Variants in HID1 observed in about 807,000 individuals in gnomAD.
HID1 encodes HID1 domain containing.
In HID1, 42 loss-of-function variants were observed where a neutral mutation model predicts 89.7. That is an observed-to-expected ratio of 0.47 (90% CI 0.37 to 0.61). The LOEUF (loss-of-function observed/expected upper bound fraction) is 0.61. Ranked by LOEUF, HID1 falls within the 20% of genes least tolerant of loss-of-function variation. The pLI, the probability that HID1 is intolerant of heterozygous loss-of-function variation, is 0.00. For missense variants in HID1, 854 were observed against 1,039.3 expected, an observed-to-expected ratio of 0.82 and a Z score of 2.45; for synonymous variants, 442 against 433.8, an observed-to-expected ratio of 1.02 and a Z score of -0.24.
At chr17:74,971,310 C>A in intron 1 of HID1, among the ~76,000 whole-genome samples, 1 of 152,206 alleles carries the variant, frequency 6.6e-6, no homozygotes, top group East Asian at 1.9e-4. Flanking sequence ...TCCCTGCCAC[C>A]CACAGAACGA....
chr17:74,956,121 T>G (rs1237295624), intron 12 of HID1, among the ~76,000 whole-genome samples, 165 bp from the exon 13 acceptor site: 1 of 152,102 alleles, frequency 6.6e-6, no homozygotes, highest in African/African-American at 2.4e-5. Flanking sequence ...GGCCATACTG[T>G]GTGCAGAGTC....
intron 1 of HID1, chr17:74,967,945 A>T (rs1018897124): frequency 1.3e-5 from 2 of 152,100 alleles, no homozygotes; most frequent in Non-Finnish European, 2.9e-5. Context: ...TACAAAAAAA[A>T]AAAGAAAAAA....
At chr17:74,968,383 G>A (rs974525388) in intron 1 of HID1, among the ~76,000 whole-genome samples, 1 of 152,056 alleles carries the variant, frequency 6.6e-6, no homozygotes, top group Non-Finnish European at 1.5e-5. Context: ...GAGCAGGGCT[G>A]AGCACCCGTG....
Position 74,962,069 on chromosome 17 carries a change from C to T in HID1, c.612-80G>A, listed in dbSNP as rs1199958973. The T allele has an allele frequency of 2.4e-6, 3 of 1,229,554 alleles. No individual in the cohort carries two copies. The allele number at this position is 1,229,554 out of a possible 1,614,324, so 76.2% of individuals were successfully genotyped here. ...CTGCCCACCCAGCCCAGCGCCCCAG[C>T]CCAGGTCCATGGAAGGAAGTTACTC... On this transcript the variant is annotated intron_variant, in intron 5 of 18. Coordinates refer to ENST00000425042, the MANE Select transcript of HID1 (RefSeq NM_030630.3). The surrounding 1 kb of genome is among the most constrained non-coding windows in gnomAD (Gnocchi z 4.3).
intron 16 of HID1, 122 bp from the exon 17 acceptor site, chr17:74,952,482 T>C (rs1169107357): frequency 7.4e-6 from 5 of 678,112 alleles, no homozygotes; most frequent in Non-Finnish European, 1.3e-5. Flanking sequence ...CCTTGCAGCA[T>C]GAGCCTGGCA....
At chr17:74,963,956 A>G (rs753254121) in intron 2 of HID1, 46 bp from the exon 3 acceptor site, 3 of 1,606,640 alleles carry the variant, frequency 1.9e-6, no homozygotes, top group Non-Finnish European at 2.6e-6. Context: ...AGGTGGGGAA[A>G]GGACCCTGGC....
chr17:74,967,152 G>T, intron 1 of HID1, among the ~76,000 whole-genome samples: 1 of 151,758 alleles, frequency 6.6e-6, no homozygotes, highest in East Asian at 1.9e-4. Context: ...GGCAGAAATC[G>T]CTTGAACTCG....
rs1028803875 is a variant in HID1, at chr17:74,969,397, G to A, written c.66+3194C>T. ...GAGATGGGGTTTCACCATGTTAGCC[G>A]GGACGGTCTCGATCTCCTGACCTCG... On this transcript the variant is annotated intron_variant, in intron 1 of 18. Transcript: ENST00000425042. Among the ~76,000 whole-genome samples, 8 of 151,914 alleles carry A rather than the reference G, an allele frequency of 5.3e-5. No homozygotes were observed. In the East Asian group the frequency reaches 1.2e-3, roughly 22 times the overall value.
At chr17:74,970,620 A>ATGCGGGGCAGGAAGAAAACAGGG (rs2039631910) in intron 1 of HID1, 2 of 152,970 alleles carry the variant, frequency 1.3e-5, no homozygotes, top group South Asian at 4.1e-4. Flanking sequence ...AGAAAACAGG[A>ATGCGGGGCAGGAAGAAAACAGGG]TGCAGGGCAG....
rs750712653 is a variant in HID1 at position 74,960,026 on chromosome 17, A to G, written c.951T>C (p.Asp317=). 28 of 1,613,400 alleles carry G rather than the reference A, an allele frequency of 1.7e-5. No homozygotes were observed. In the South Asian group the frequency reaches 2.7e-4, roughly 16 times the overall value. ...GTCCCTTCCATGCTCCCATCCTTAC[A>G]TCGGCATCATCCATGGCGGTGCCAG... ...TTTGTAMDDA[D]PPGPENLFVN... The change falls in exon 7 of 19, where the codon GAT becomes GAC. Residue 317 remains aspartate (D), a splice_region_variant and synonymous_variant. Coordinates refer to ENST00000425042, the MANE Select transcript of HID1 (RefSeq NM_030630.3).
rs546530797 is a variant in HID1, at chr17:74,964,698, T to C, written c.67-66A>G. ...CCAGAGGGCCTACACTTTGCCCAAC[T>C]TGTGGCCAGGAGAGACCCTGAGAGG... On this transcript the variant is annotated intron_variant, in intron 1 of 18. Transcript: ENST00000425042. 3.8e-4 allele frequency: 580 copies of C among 1,524,612 alleles called. 7 individuals carry two copies. In the South Asian group the frequency reaches 6.7e-3, roughly 18 times the overall value. 94.4% of individuals were successfully genotyped at this position (1,524,612 alleles called of 1,614,324 possible).
intron 2 of HID1, chr17:74,964,227 A>G (rs895916772): frequency 5.0e-6 from 3 of 595,360 alleles, no homozygotes; most frequent in African/African-American, 1.9e-5. Flanking sequence ...CCCTGGCAGT[A>G]CCCACCCCAC....
chr17:74,955,008 C>T (rs2039367306), intron 13 of HID1: 1 of 158,092 alleles, frequency 6.3e-6, no homozygotes, highest in Non-Finnish European at 1.4e-5. Context: ...TGCTAAGTGC[C>T]TTCTGGGGGT....
Position 74,951,975 on chromosome 17 carries a change from G to A in HID1, c.2233C>T (p.Arg745Cys), listed in dbSNP as rs1005451464. 13 of 1,562,342 alleles carry A rather than the reference G, an allele frequency of 8.3e-6. No individual in the cohort carries two copies. Among genetic ancestry groups the A allele is most frequent in the South Asian group, 2.4e-5 (2 of 84,424 alleles). ...GTGCCCGAGTTGGCCTGGTACTTGCGGATGAGGATGGGGTGGGGCACGGGC... is the reference window on the plus strand; with the variant it reads ...GTGCCCGAGTTGGCCTGGTACTTGCAGATGAGGATGGGGTGGGGCACGGGC... ...LLPVPHPILIRKYQANSGTAM... is the reference protein window; with the variant it reads ...LLPVPHPILICKYQANSGTAM... Residue 745 changes from arginine (R) to cysteine (C), a missense_variant, in exon 18 of 19, where the codon CGC becomes TGC. By Grantham distance (180) the Arg-to-Cys change is radical. Coordinates refer to ENST00000425042, the MANE Select transcript of HID1 (RefSeq NM_030630.3).
chr17:74,955,986 G>A, intron 12 of HID1, 30 bp from the exon 13 acceptor site: 2 of 1,605,314 alleles, frequency 1.2e-6, no homozygotes, highest in Non-Finnish European at 8.5e-7. Context: ...TCACTCCTGG[G>A]CCCCTCAGCC....
At chr17:74,969,142 A>G (rs938784906) in intron 1 of HID1, among the ~76,000 whole-genome samples, 3 of 126,924 alleles carry the variant, frequency 2.4e-5, no homozygotes, top group African/African-American at 9.2e-5. Context: ...GCCTGCCTCA[A>G]TGACCCCAGT....
chr17:74,959,767 G>T lies in HID1; in HGVS notation c.1008+114C>A. 3 of 1,094,188 alleles carry T rather than the reference G, an allele frequency of 2.7e-6. No individual in the cohort carries two copies. The highest frequency in any genetic ancestry group is 1.4e-5 in the South Asian group (1 of 72,290). The allele number at this position is 1,094,188 out of a possible 1,614,324, so 67.8% of individuals were successfully genotyped here. On this transcript the variant is annotated intron_variant, in intron 8 of 18. Transcript: ENST00000425042. The surrounding 1 kb of genome is among the most constrained non-coding windows in gnomAD (Gnocchi z 4.6). ...GTCCTGCCACTATTTCACCTAGGGT[G>T]GCCCCAGCCCACAGAGAGCATGGTT...
In HID1 at chr17:74,951,618, A is replaced by AG. The variant is rs2039300041; in HGVS notation, c.2318dup (p.Val774CysfsTer11). 1 of 1,612,782 alleles carries AG rather than the reference A, an allele frequency of 6.2e-7. No homozygotes were observed. The highest frequency in any genetic ancestry group is 8.5e-7 in the Non-Finnish European group (1 of 1,179,532). On this transcript the variant is annotated frameshift_variant, in exon 19 of 19. Coordinates refer to ENST00000425042, the MANE Select transcript of HID1 (RefSeq NM_030630.3). LOFTEE classifies it high-confidence loss of function. ...GCTTCACGTCGGTGTCGTACCAGAC[A>AG]GGGGGGTCCACATTCCTGTGGAGGA...
chr17:74,964,510 G>C lies in HID1; in HGVS notation c.189C>G (p.Pro63=), dbSNP rs530597060. 2.9e-5 allele frequency: 46 copies of C among 1,610,358 alleles called. 3 individuals are homozygous for C. Among genetic ancestry groups the C allele is most frequent in the East Asian group, 1.8e-4 (8 of 44,794 alleles). ...AEIRAVREES[P]SNLATLCYKA... ...TGTAGCACAGGGTGGCCAAGTTGGAGGGTGACTCTTCCCGCACGGCCCGGA... is the reference window on the plus strand; with the variant it reads ...TGTAGCACAGGGTGGCCAAGTTGGACGGTGACTCTTCCCGCACGGCCCGGA... The change falls in exon 2 of 19, where the codon CCC becomes CCG. Residue 63 remains proline, a synonymous_variant. Coordinates refer to ENST00000425042, the MANE Select transcript of HID1 (RefSeq NM_030630.3).
Sources: allele counts gnomAD v4.1 joint callset (sites outside exome capture counted in the v4.1 genomes callset), GRCh38; gene constraint gnomAD v4.1.1; non-coding constraint Gnocchi (gnomAD v3.1); transcripts MANE v1.5; gene names NCBI Gene and HGNC (gene_info 2026-07-23, HGNC 2026-07-21).